HSP90AA1: variants seen among roughly 807,000 people sequenced by gnomAD.
HSP90AA1 encodes heat shock protein 90 alpha family class A member 1, also known as heat shock protein HSP 90-alpha.
A neutral mutation model predicts 73.3 loss-of-function variants in HSP90AA1; 18 were observed. The ratio of observed to expected loss-of-function variants is 0.25; its 90% CI spans 0.17 to 0.36. The LOEUF is 0.36. Ranked by LOEUF, HSP90AA1 falls within the 10% of genes least tolerant of loss-of-function variation. The probability of loss-of-function intolerance (pLI) is 1.00; values close to 1 mark genes in which losing one functional copy is unlikely to be tolerated. For missense variants in HSP90AA1, 704 were observed against 874.2 expected, an observed-to-expected ratio of 0.81 and a Z score of 2.45; for synonymous variants, 477 against 296.9, an observed-to-expected ratio of 1.61 and a Z score of -6.24.
chr14:102,094,634 G>C (rs949616197), intron 2 of HSP90AA1, among the ~76,000 whole-genome samples: 2 of 152,120 alleles, frequency 1.3e-5, no homozygotes, highest in Non-Finnish European at 2.9e-5. Flanking sequence ...GGAACAGTGA[G>C]AAGGCAAGAA....
chr14:102,107,098 TATAG>T (rs981064810), intron 1 of HSP90AA1, among the ~76,000 whole-genome samples: 2 of 152,046 alleles, frequency 1.3e-5, no homozygotes, highest in African/African-American at 4.8e-5. Context: ...ACTCAAACTT[TATAG>T]ACAGAAGAAC....
At chr14:102,097,719 T>G (rs183438040) in intron 2 of HSP90AA1, among the ~76,000 whole-genome samples, 1 of 152,016 alleles carries the variant, frequency 6.6e-6, no homozygotes, top group Non-Finnish European at 1.5e-5. Flanking sequence ...GGGGAGCTGA[T>G]AGTTCCTTTG....
chr14:102,115,039 C>T (rs894168130), intron 1 of HSP90AA1, among the ~76,000 whole-genome samples: 14 of 151,708 alleles, frequency 9.2e-5, no homozygotes, highest in Non-Finnish European at 1.6e-4. Context: ...ACCTGCTACT[C>T]GGGAAGCTGA....
chr14:102,115,140 A>AT (rs1256391598), intron 1 of HSP90AA1, among the ~76,000 whole-genome samples: 1 of 150,332 alleles, frequency 6.7e-6, no homozygotes, highest in Non-Finnish European at 1.5e-5. Context: ...GAGCAAGAAA[A>AT]AAAAAAAAAT....
At chr14:102,127,242 C>A (rs955787628) in intron 1 of HSP90AA1, among the ~76,000 whole-genome samples, 15 of 152,110 alleles carry the variant, frequency 9.9e-5, no homozygotes, top group African/African-American at 3.6e-4. Flanking sequence ...TTGCTCTAAT[C>A]TTTGCAAAGA....
chr14:102,099,103 A>T (rs1595667610), intron 2 of HSP90AA1, among the ~76,000 whole-genome samples: 1 of 152,382 alleles, frequency 6.6e-6, no homozygotes, highest in East Asian at 1.9e-4. Context: ...GTGGCAAATC[A>T]TAATGCTAAG....
At chr14:102,086,169 A>T (rs774159765) in intron 2 of HSP90AA1, 45 bp from the exon 3 acceptor site, 1 of 1,613,656 alleles carries the variant, frequency 6.2e-7, no homozygotes, top group South Asian at 1.1e-5. Context: ...ACCCCCAAGA[A>T]GTTCACACTG....
At chr14:102,087,292 G>T, upstream of HSP90AA1, 1 of 473,744 alleles carries the variant, frequency 2.1e-6, no homozygotes, top group Non-Finnish European at 2.7e-6. Flanking sequence ...GCACGCCCCC[G>T]CGCCGGCCTC....
intron 1 of HSP90AA1, among the ~76,000 whole-genome samples, chr14:102,122,811 G>A (rs2049795869): frequency 6.6e-6 from 1 of 151,688 alleles, no homozygotes; most frequent in Non-Finnish European, 1.5e-5. Flanking sequence ...GGGATTACAG[G>A]TGCCTGCCAC....
chr14:102,126,290 G>A (rs550451914), intron 1 of HSP90AA1, among the ~76,000 whole-genome samples: 312 of 152,276 alleles, frequency 2.0e-3, no homozygotes, highest in African/African-American at 7.1e-3. Flanking sequence ...AGTTACCATA[G>A]CTCAGTAAGG....
At chr14:102,091,705 C>T (rs2049360582), upstream of HSP90AA1, among the ~76,000 whole-genome samples, 1 of 151,802 alleles carries the variant, frequency 6.6e-6, no homozygotes, top group Non-Finnish European at 1.5e-5. Flanking sequence ...TGGTTCACTA[C>T]ACCATCAGCC....
chr14:102,082,577 G>T, intron 9 of HSP90AA1, 133 bp from the exon 10 acceptor site: 1 of 717,844 alleles, frequency 1.4e-6, no homozygotes, highest in Non-Finnish European at 2.4e-6. Flanking sequence ...CTTAAATGTC[G>T]CATTAGGTAT....
At chr14:102,139,581 G>T in exon 1 of HSP90AA1, 1 of 719,206 alleles carries the variant, frequency 1.4e-6, no homozygotes, top group Non-Finnish European at 2.2e-6. Context: ...GGTTCCCCCT[G>T]ACCGGCTTTC....
chr14:102,090,275 C>T (rs2049336623), upstream of HSP90AA1, among the ~76,000 whole-genome samples: 2 of 152,156 alleles, frequency 1.3e-5, no homozygotes, highest in Non-Finnish European at 2.9e-5. Flanking sequence ...CCACCTGCCT[C>T]CCACCAGGCC....
chr14:102,103,814 A>C (rs569173522), intron 1 of HSP90AA1, among the ~76,000 whole-genome samples: 1 of 150,560 alleles, frequency 6.6e-6, no homozygotes, highest in South Asian at 2.1e-4. Context: ...CAAAACAAAA[A>C]AAAAAAAACA....
At chr14:102,117,250 G>T (rs2049718926) in intron 1 of HSP90AA1, among the ~76,000 whole-genome samples, 1 of 152,118 alleles carries the variant, frequency 6.6e-6, no homozygotes, top group African/African-American at 2.4e-5. Context: ...GGTGGAAAGG[G>T]GTGGGTCCCC....
At position 102,129,628 on chromosome 14, in the gene HSP90AA1, G is replaced by A. The variant is rs547035813; in HGVS notation, c.155+9622C>T. Among the ~76,000 whole-genome samples, 506 of 151,154 alleles carry A rather than the reference G, an allele frequency of 3.3e-3. 4 individuals are homozygous for A. The highest frequency in any genetic ancestry group is 0.012 in the African/African-American group (490 of 41,166). ...AGCAATTCTCCTGCCTCAGCCTCTCGAGTAGCTAGAATTACAGGTGCACGC... is the reference window on the plus strand; with the variant it reads ...AGCAATTCTCCTGCCTCAGCCTCTCAAGTAGCTAGAATTACAGGTGCACGC... On this transcript the variant is annotated intron_variant, in intron 1 of 11. Coordinates refer to the HSP90AA1 transcript ENST00000334701.
chr14:102,085,419 C>T lies in HSP90AA1; in HGVS notation c.542G>A (p.Gly181Asp), dbSNP rs994931568. 2 of 1,612,356 alleles carry T rather than the reference C, an allele frequency of 1.2e-6. No homozygotes were observed. The highest frequency in any genetic ancestry group is 1.3e-5 in the African/African-American group (1 of 74,570). Residue 181 changes from glycine to aspartate, a missense_variant, in exon 4 of 11, where the codon GGT becomes GAT. Transcript: ENST00000216281. ...TVRTDTGEPM[G>D]RGTKVILHLK... ...GTGTAGGATAACTTTTGTTCCACGA[C>T]CCATAGGTTCACCTGCAAGAGAAGA...
Position 102,081,801 on chromosome 14 carries a change from T to C in HSP90AA1, c.2110A>G (p.Thr704Ala), listed in dbSNP as rs949001550. ...ACAGCAGCACTGGTATCATCAGCAG[T>C]AGGGTCATCTTCATCAATACCTGTT... ...LGLGIDEDDPTADDTSAAVTE... is the reference protein window; with the variant it reads ...LGLGIDEDDPAADDTSAAVTE... Residue 704 changes from threonine to alanine, a missense_variant, in exon 11 of 11, where the codon ACT becomes GCT. Coordinates refer to ENST00000216281, the MANE Select transcript of HSP90AA1 (RefSeq NM_005348.4). The C allele has an allele frequency of 2.6e-6, 4 of 1,549,790 alleles. No individual in the cohort carries two copies. Among genetic ancestry groups the C allele is most frequent in the African/African-American group, 2.7e-5 (2 of 73,692 alleles).
Sources: gnomAD v4.1 joint callset for allele counts (sites outside exome capture counted in the v4.1 genomes callset) on GRCh38, gnomAD v4.1.1 for gene constraint, MANE v1.5 for transcripts, NCBI Gene and HGNC (gene_info 2026-07-23, HGNC 2026-07-21) for gene names.